The following ANO2 variants were observed in gnomAD, a reference collection of about 807,000 sequenced individuals.
The protein encoded by ANO2 is anoctamin-2.
In ANO2, 101 loss-of-function variants were observed where a neutral mutation model predicts 124.2. That is an observed-to-expected ratio of 0.81 (90% CI 0.69 to 0.96). ANO2 has a LOEUF of 0.96. ANO2 is among the 40% of genes least tolerant of loss of function. The probability of loss-of-function intolerance (pLI) is 0.00; values close to 1 mark genes in which losing one functional copy is unlikely to be tolerated. For missense variants in ANO2, 1,293 were observed against 1,274.5 expected, an observed-to-expected ratio of 1.01 and a Z score of -0.22; for synonymous variants, 486 against 482.5, an observed-to-expected ratio of 1.01 and a Z score of -0.09.
intron 9 of ANO2, among the ~76,000 whole-genome samples, chr12:5,800,169 G>A (rs1952996053): frequency 6.6e-6 from 1 of 152,168 alleles, no homozygotes; most frequent in Non-Finnish European, 1.5e-5. Flanking sequence ...TCCCAGGCAG[G>A]ACAGTCTTCT....
intron 3 of ANO2, among the ~76,000 whole-genome samples, chr12:5,879,121 C>G (rs1437641341): frequency 1.3e-5 from 2 of 152,128 alleles, no homozygotes; most frequent in Non-Finnish European, 2.9e-5. Context: ...TTCCTGCTCC[C>G]CAGGTATAAG....
At chr12:5,821,819 C>T (rs1036850281) in intron 7 of ANO2, among the ~76,000 whole-genome samples, 2 of 152,168 alleles carry the variant, frequency 1.3e-5, no homozygotes, top group Non-Finnish European at 2.9e-5. Context: ...CATCATCAAA[C>T]GTAAGTGGTA....
chr12:5,727,795 G>A (rs148543473), intron 14 of ANO2, among the ~76,000 whole-genome samples: 169 of 149,360 alleles, frequency 1.1e-3, no homozygotes, highest in African/African-American at 3.7e-3. Flanking sequence ...TTGCCACCAC[G>A]CCCGGCTACT....
intron 4 of ANO2, among the ~76,000 whole-genome samples, chr12:5,851,470 G>A (rs1954900817): frequency 1.3e-5 from 2 of 152,054 alleles, no homozygotes; most frequent in African/African-American, 4.8e-5. Context: ...GGCAGATCAT[G>A]AGATCAGAAA....
intron 7 of ANO2, among the ~76,000 whole-genome samples, chr12:5,817,841 T>C (rs188921508): frequency 6.6e-6 from 1 of 152,188 alleles, no homozygotes; most frequent in Non-Finnish European, 1.5e-5. Context: ...GTCATCTATA[T>C]AGAGAAAATA....
At chr12:5,853,472 C>T (rs1395754682) in intron 4 of ANO2, among the ~76,000 whole-genome samples, 1 of 152,162 alleles carries the variant, frequency 6.6e-6, no homozygotes, top group East Asian at 1.9e-4. Flanking sequence ...AGGTCAAATT[C>T]CCAGAGATGG....
chr12:5,898,130 A>T (rs1223317907), intron 3 of ANO2, among the ~76,000 whole-genome samples: 1 of 152,176 alleles, frequency 6.6e-6, no homozygotes, highest in East Asian at 1.9e-4. Flanking sequence ...TGGAAAAAAA[A>T]TATATGAAAA....
At chr12:5,886,981 G>C (rs932954014) in intron 3 of ANO2, among the ~76,000 whole-genome samples, 2 of 152,168 alleles carry the variant, frequency 1.3e-5, no homozygotes, top group Non-Finnish European at 2.9e-5. Flanking sequence ...TTCAGTTGAG[G>C]AAGACAAAAA....
chr12:5,828,880 A>T (rs952755310), intron 6 of ANO2, among the ~76,000 whole-genome samples: 1 of 152,204 alleles, frequency 6.6e-6, no homozygotes, highest in African/African-American at 2.4e-5. Flanking sequence ...CCCACAAAGA[A>T]GCAGGCACAG....
At chr12:5,714,247 G>C (rs924328080) in intron 14 of ANO2, among the ~76,000 whole-genome samples, 2 of 152,212 alleles carry the variant, frequency 1.3e-5, no homozygotes, top group East Asian at 3.8e-4. Flanking sequence ...CTGCTTATGT[G>C]TCCGAGTCTC....
At chr12:5,751,025 C>T in intron 10 of ANO2, 55 bp from the exon 11 acceptor site, 1 of 1,498,464 alleles carries the variant, frequency 6.7e-7, no homozygotes, top group Non-Finnish European at 9.0e-7. Flanking sequence ...ATATACTTTC[C>T]TTATTTCTGT....
intron 14 of ANO2, among the ~76,000 whole-genome samples, chr12:5,681,733 AC>A (rs1253488771): frequency 1.3e-5 from 2 of 151,998 alleles, no homozygotes; most frequent in Non-Finnish European, 2.9e-5. Context: ...GTCCATTACT[AC>A]TCATAGACCC....
intron 7 of ANO2, among the ~76,000 whole-genome samples, chr12:5,819,189 G>A (rs1318039976): frequency 6.6e-6 from 1 of 152,136 alleles, no homozygotes; most frequent in Non-Finnish European, 1.5e-5. Flanking sequence ...TTCTCCTCAG[G>A]AGCCACCCCC....
chr12:5,832,591 T>A lies in ANO2; in HGVS notation c.646A>T (p.Lys216Ter). Residue 216 changes from lysine (K) to a stop codon, truncating the protein, a stop_gained, in exon 5 of 25, where the codon AAA becomes TAA. Transcript: ENST00000682330. LOFTEE classifies it high-confidence loss of function. The part of the protein sequence containing the change: ...KVPTKKMYEI[K>*]AGGSIAKKFS... ...TTCTTTGCAATGCTGCCTCCTGCTTTGATCTCGTACATCTATGAAAGGAAG... is the reference window on the plus strand; with the variant it reads ...TTCTTTGCAATGCTGCCTCCTGCTTAGATCTCGTACATCTATGAAAGGAAG... 1.9e-6 allele frequency: 3 copies of A among 1,613,080 alleles called. No individual in the cohort carries two copies. The highest frequency in any genetic ancestry group is 2.5e-6 in the Non-Finnish European group (3 of 1,179,460).
At chr12:5,642,082 T>C (rs561241388) in intron 15 of ANO2, among the ~76,000 whole-genome samples, 1 of 152,318 alleles carries the variant, frequency 6.6e-6, no homozygotes, top group South Asian at 2.1e-4. Context: ...GCCTGACTTA[T>C]CAGTGGCATC....
intron 3 of ANO2, among the ~76,000 whole-genome samples, chr12:5,896,204 G>A (rs2136276952): frequency 6.6e-6 from 1 of 152,066 alleles, no homozygotes; most frequent in Non-Finnish European, 1.5e-5. Context: ...TAAAATCTCA[G>A]AAATAACCAC....
intron 14 of ANO2, among the ~76,000 whole-genome samples, chr12:5,730,243 T>A (rs1950583285): frequency 6.6e-6 from 1 of 152,070 alleles, no homozygotes; most frequent in Non-Finnish European, 1.5e-5. Flanking sequence ...GTGTATAAAA[T>A]TAAATCTCAA....
intron 14 of ANO2, among the ~76,000 whole-genome samples, chr12:5,665,314 G>A (rs1490591216): frequency 2.0e-5 from 3 of 152,092 alleles, no homozygotes; most frequent in Non-Finnish European, 4.4e-5. Context: ...CTGGCCCAGG[G>A]CAAGGACCCA....
intron 10 of ANO2, among the ~76,000 whole-genome samples, chr12:5,754,299 G>A (rs887785044): frequency 1.3e-5 from 2 of 152,144 alleles, no homozygotes; most frequent in Non-Finnish European, 2.9e-5. Flanking sequence ...TCCTTTTAAA[G>A]TGCTGCTGAG....
Sources: gnomAD v4.1 joint callset for allele counts (sites outside exome capture counted in the v4.1 genomes callset) on GRCh38, gnomAD v4.1.1 for gene constraint, MANE v1.5 for transcripts, NCBI Gene and HGNC (gene_info 2026-07-23, HGNC 2026-07-21) for gene names.